GK: variants seen among roughly 807,000 people sequenced by gnomAD.
GK encodes the protein glycerol kinase, also known as ATP:glycerol 3-phosphotransferase.
Under a neutral mutation model 56.4 loss-of-function variants are expected in GK, and 9 were observed. The observed-to-expected ratio is 0.16, with a 90% confidence interval of 0.10 to 0.28. GK has a LOEUF of 0.28. GK is among the 10% of genes least tolerant of loss of function. The pLI is 1.00. For missense variants in GK, 161 were observed against 431.4 expected (o/e 0.37, Z 5.55); for synonymous variants, 104 against 144.1 (o/e 0.72, Z 1.99).
At chrX:30,656,166 A>C (rs1429577734) in intron 1 of GK, among the ~76,000 whole-genome samples, 6 of 111,696 alleles carry the variant, frequency 5.4e-5, no homozygotes, top group Non-Finnish European at 7.5e-5. Context: ...TCCCTGCAAA[A>C]TGCAGATAAA....
At chrX:30,661,533 G>A (rs151233280) in intron 1 of GK, among the ~76,000 whole-genome samples, 1 of 110,402 alleles carries the variant, frequency 9.1e-6, no homozygotes, top group African/African-American at 3.3e-5. Context: ...GTGCACCCTC[G>A]CCCACCTGAA....
chrX:30,692,767 A>T (rs1935029556), intron 5 of GK, among the ~76,000 whole-genome samples: 1 of 107,781 alleles, frequency 9.3e-6, no homozygotes, highest in Non-Finnish European at 1.9e-5. Flanking sequence ...GCCTCCTTCC[A>T]TTATTTTTGT....
chrX:30,695,629 C>A (rs1183513528), intron 6 of GK, among the ~76,000 whole-genome samples: 1 of 111,894 alleles, frequency 8.9e-6, no homozygotes, highest in East Asian at 2.8e-4. Flanking sequence ...ACAGCAACAA[C>A]AAAAAAAACC....
chrX:30,712,717 CTTT>C (rs769269247), intron 13 of GK, among the ~76,000 whole-genome samples: 1 of 48,434 alleles, frequency 2.1e-5, no homozygotes, highest in Non-Finnish European at 3.5e-5. Context: ...TTTTTCTTTT[CTTT>C]TTTTTTTTTT....
At chrX:30,663,994 TTTATA>T (rs1932873122) in intron 1 of GK, among the ~76,000 whole-genome samples, 1 of 76,686 alleles carries the variant, frequency 1.3e-5, no homozygotes. Flanking sequence ...CTATATATAT[TTTATA>T]GATATATATT....
intron 16 of GK, 104 bp from the exon 17 acceptor site, chrX:30,720,517 T>C: frequency 2.7e-6 from 2 of 749,757 alleles, no homozygotes; most frequent in South Asian, 2.1e-5. Context: ...ATTTATTCCA[T>C]AGGCTCTTGG....
chrX:30,680,570 C>T (rs113304413), intron 4 of GK, among the ~76,000 whole-genome samples: 49 of 111,692 alleles, frequency 4.4e-4, no homozygotes, highest in African/African-American at 1.6e-3. Context: ...TTCAAACACA[C>T]CAGTATGCGG....
In GK at chrX:30,671,135, C is replaced by T. The variant is rs191388705; in HGVS notation, c.259+3017C>T. ...TGAAACCCTGTCTCTACTAAAAATA[C>T]AAAAAATTAGCTGGGCGTGGTGGCG... On this transcript the variant is annotated intron_variant, in intron 3 of 20. Transcript: ENST00000427190. Among the ~76,000 whole-genome samples, 47 of 106,187 alleles carry T rather than the reference C, an allele frequency of 4.4e-4. No homozygotes were observed. In the East Asian group the frequency reaches 0.014, roughly 31 times the overall value. The allele number at this position is 106,187 out of a possible 115,157, so 92.2% of individuals were successfully genotyped here. A position where few individuals can be genotyped will look rare whatever the true frequency, so the allele number is the denominator to read the frequency against.
chrX:30,664,006 TA>T (rs1438363646), intron 1 of GK, among the ~76,000 whole-genome samples: 1 of 93,817 alleles, frequency 1.1e-5, no homozygotes, highest in African/African-American at 3.9e-5. Context: ...TATAGATATA[TA>T]TTTTATATAT....
intron 4 of GK, among the ~76,000 whole-genome samples, chrX:30,678,424 T>C (rs1427295360): frequency 8.9e-6 from 1 of 111,748 alleles, no homozygotes; most frequent in Admixed American, 9.6e-5. Flanking sequence ...CTTCATTGTG[T>C]CAGAAAGCAA....
At chrX:30,702,492 T>C (rs1180755551) in intron 11 of GK, among the ~76,000 whole-genome samples, 1 of 112,921 alleles carries the variant, frequency 8.9e-6, no homozygotes, top group East Asian at 2.7e-4. Context: ...TTTCATGTGC[T>C]TTAAACACAT....
At chrX:30,658,353 T>G (rs1304818828) in intron 1 of GK, among the ~76,000 whole-genome samples, 1 of 110,983 alleles carries the variant, frequency 9.0e-6, no homozygotes, top group Admixed American at 9.5e-5. Flanking sequence ...TCTCACTGTG[T>G]TACCCAAGCT....
chrX:30,711,118 T>C (rs1211634465), intron 13 of GK, among the ~76,000 whole-genome samples: 1 of 70,194 alleles, frequency 1.4e-5, no homozygotes, highest in Non-Finnish European at 2.7e-5. Flanking sequence ...TTTTCCTTTT[T>C]TTCTTCTTCT....
At chrX:30,721,274 A>T in intron 18 of GK, 1 of 330,826 alleles carries the variant, frequency 3.0e-6, no homozygotes, top group Non-Finnish European at 5.2e-6. Flanking sequence ...CCACACTGTC[A>T]GGTATAGCTA....
At chrX:30,711,983 T>A (rs1015051115) in intron 13 of GK, among the ~76,000 whole-genome samples, 8 of 112,006 alleles carry the variant, frequency 7.1e-5, no homozygotes, top group African/African-American at 2.6e-4. Flanking sequence ...TAGTTTTGCA[T>A]GTGTTTAATA....
intron 3 of GK, among the ~76,000 whole-genome samples, chrX:30,673,261 C>T (rs1933663313): frequency 9.0e-6 from 1 of 111,673 alleles, no homozygotes. Flanking sequence ...TTATGATGTC[C>T]GTAAATGAAA....
intron 1 of GK, among the ~76,000 whole-genome samples, chrX:30,662,645 G>GCCCC (rs1201548701): frequency 9.0e-6 from 1 of 110,976 alleles, no homozygotes; most frequent in Non-Finnish European, 1.9e-5. Flanking sequence ...AGGTTTTTAT[G>GCCCC]AATTCAGCCA....
chrX:30,691,292 T>C (rs1934914712), intron 5 of GK, 93 bp downstream of exon 5: 1 of 503,124 alleles, frequency 2.0e-6, no homozygotes, highest in African/African-American at 2.4e-5. Context: ...TATGGTACAA[T>C]AGTTATTTGA....
intron 14 of GK, 111 bp downstream of exon 14, chrX:30,718,727 T>G (rs1369803044): frequency 3.9e-6 from 2 of 510,305 alleles, no homozygotes; most frequent in Non-Finnish European, 7.1e-6. Context: ...CCATAAATTA[T>G]ATGGATCCCT....
Sources: allele counts gnomAD v4.1 joint callset (sites outside exome capture counted in the v4.1 genomes callset), GRCh38; gene constraint gnomAD v4.1.1; transcripts MANE v1.5; gene names NCBI Gene and HGNC (gene_info 2026-07-23, HGNC 2026-07-21).